Variants in HVCN1 observed in about 807,000 individuals in gnomAD.
HVCN1 encodes hydrogen voltage gated channel 1, also known as voltage-gated hydrogen channel 1.
HVCN1 carries 14 observed loss-of-function variants against 29.2 expected under a neutral mutation model. The observed-to-expected ratio is 0.48, with a 90% CI of 0.32 to 0.75. The LOEUF is 0.75. Among genes scored for constraint, HVCN1 ranks in the 30% least tolerant of loss-of-function variants. The pLI, the probability that HVCN1 is intolerant of heterozygous loss-of-function variation, is 0.04. For missense variants in HVCN1, 263 were observed against 341.8 expected, an observed-to-expected ratio of 0.77 and a Z score of 1.82; for synonymous variants, 131 against 133.2, an observed-to-expected ratio of 0.98 and a Z score of 0.11.
At chr12:110,687,105 C>G (rs1017693260) in intron 2 of HVCN1, among the ~76,000 whole-genome samples, 1 of 152,156 alleles carries the variant, frequency 6.6e-6, no homozygotes, top group African/African-American at 2.4e-5. Context: ...CTGTACAAAA[C>G]TATCTGAGCC....
rs1032598987 is a variant in HVCN1 at position 110,699,729 on chromosome 12, G to A, written c.-104+2580C>T. Reference sequence around the variant, plus strand: ...CTCCTGGCCGTGTGCCAGGCGCTGCGCCGGGCACATGATACACATCTCTTC... The same window carrying A: ...CTCCTGGCCGTGTGCCAGGCGCTGCACCGGGCACATGATACACATCTCTTC... On this transcript the variant is annotated intron_variant, in intron 2 of 4. Transcript: ENST00000546713. 3.3e-5 allele frequency among the ~76,000 whole-genome samples: 5 copies of A among 152,204 alleles called. No homozygotes were observed. In the East Asian group the frequency reaches 5.8e-4, roughly 18 times the overall value.
At chr12:110,682,995 A>T (rs2069038262) in intron 3 of HVCN1, 1 of 508,920 alleles carries the variant, frequency 2.0e-6, no homozygotes, top group East Asian at 3.7e-5. Flanking sequence ...AACCGCACAT[A>T]GTTATTAACA....
chr12:110,664,630 A>G (rs1358050691), intron 3 of HVCN1, among the ~76,000 whole-genome samples: 1 of 152,174 alleles, frequency 6.6e-6, no homozygotes, highest in East Asian at 1.9e-4. Flanking sequence ...CAAACCCTAC[A>G]ATCACCCTGG....
At chr12:110,662,265 C>G (rs1219275093) in intron 3 of HVCN1, among the ~76,000 whole-genome samples, 1 of 152,090 alleles carries the variant, frequency 6.6e-6, no homozygotes, top group Non-Finnish European at 1.5e-5. Context: ...ACCTTGCCCC[C>G]CACACAGAAT....
chr12:110,649,808 C>T (rs1309696674), intron 7 of HVCN1, among the ~76,000 whole-genome samples: 1 of 151,910 alleles, frequency 6.6e-6, no homozygotes, highest in Non-Finnish European at 1.5e-5. Flanking sequence ...GAGCAGCGCT[C>T]TGCTGCAGGC....
At chr12:110,652,054 G>A (rs1340568213) in intron 5 of HVCN1, among the ~76,000 whole-genome samples, 1 of 152,222 alleles carries the variant, frequency 6.6e-6, no homozygotes, top group Non-Finnish European at 1.5e-5. Flanking sequence ...GTTCCAATTA[G>A]GAGTGATCAC....
In HVCN1 at chr12:110,651,294, A is replaced by G. The variant is rs375663985; in HGVS notation, c.566T>C (p.Leu189Pro). 5 of 1,614,100 alleles carry G rather than the reference A, an allele frequency of 3.1e-6. No individual in the cohort carries two copies. The highest frequency in any genetic ancestry group is 2.7e-5 in the African/African-American group (2 of 74,944). ...AGCCTCAAACTGGTGCTCCTGGAAC[A>G]GGAGGACAATGTCGAGGATGAATGA... ...VVSFILDIVLLFQEHQFEALG... is the reference protein window; with the variant it reads ...VVSFILDIVLPFQEHQFEALG... Residue 189 changes from leucine to proline, a missense_variant, in exon 6 of 8, where the codon CTG becomes CCG. Physicochemically the swap from Leu to Pro is moderately conservative, Grantham distance 98. This residue lies in a region of HVCN1 where 55 missense variants were observed against 109.4 expected (regional missense o/e 0.50). Transcript: ENST00000242607.
chr12:110,662,636 C>T (rs529403893), intron 3 of HVCN1, among the ~76,000 whole-genome samples: 5 of 152,258 alleles, frequency 3.3e-5, no homozygotes, highest in South Asian at 2.1e-4. Context: ...AGCTGGGAGG[C>T]GTGGGTTGCA....
intron 2 of HVCN1, among the ~76,000 whole-genome samples, chr12:110,685,180 T>A (rs970834825): frequency 1.3e-5 from 2 of 152,160 alleles, no homozygotes; most frequent in Non-Finnish European, 2.9e-5. Flanking sequence ...GGGTCTTTGA[T>A]AAGTGGAGGC....
upstream of HVCN1, among the ~76,000 whole-genome samples, chr12:110,694,066 GTACT>G (rs2069453665): frequency 6.6e-6 from 1 of 152,108 alleles, no homozygotes; most frequent in Non-Finnish European, 1.5e-5. The surrounding 1 kb of genome is among the most constrained non-coding windows in gnomAD (Gnocchi z 4.6). Context: ...CATGGAGCGT[GTACT>G]TACTTATTTA....
chr12:110,671,302 C>G (rs2068566953), intron 3 of HVCN1, among the ~76,000 whole-genome samples: 1 of 152,218 alleles, frequency 6.6e-6, no homozygotes, highest in African/African-American at 2.4e-5. Flanking sequence ...GCCTGGGAGA[C>G]TGAATGAGAC....
At position 110,649,421 on chromosome 12, in the gene HVCN1, C is replaced by T. The variant is rs775765211; in HGVS notation, c.811G>A (p.Glu271Lys). 6 of 1,608,992 alleles carry T rather than the reference C, an allele frequency of 3.7e-6. No individual in the cohort carries two copies. In the South Asian group the frequency reaches 6.7e-5, roughly 18 times the overall value. ...GAGCTGGTCCGGGTCTAGTTCACTT[C>T]ACCAAGAAGTCCATGCTGTCGCAAT... ...KLLRQHGLLGEVN is the reference protein window; with the variant it reads ...KLLRQHGLLGKVN Residue 271 changes from glutamate (E) to lysine (K), a missense_variant, in exon 8 of 8, where the codon GAA becomes AAA. Around this residue, in one of 3 missense-constraint regions of HVCN1, gnomAD observed 51 missense variants for 51.1 expected, o/e 1.00. Transcript: ENST00000242607.
chr12:110,651,657 T>C (rs536583245), intron 5 of HVCN1, among the ~76,000 whole-genome samples: 2 of 152,330 alleles, frequency 1.3e-5, no homozygotes, highest in South Asian at 2.1e-4. Flanking sequence ...AAGCATCCTC[T>C]AGACCCTTTG....
At chr12:110,660,502 C>T (rs1265939098) in intron 4 of HVCN1, among the ~76,000 whole-genome samples, 5 of 152,248 alleles carry the variant, frequency 3.3e-5, no homozygotes, top group Non-Finnish European at 7.3e-5. Context: ...TGAGTGTTCG[C>T]AGAGTGAACA....
intron 1 of HVCN1, among the ~76,000 whole-genome samples, chr12:110,703,910 C>A (rs746364588): frequency 6.6e-6 from 1 of 152,188 alleles, no homozygotes; most frequent in Non-Finnish European, 1.5e-5. Context: ...CTCTCGAACT[C>A]CTAGCCTCAT....
chr12:110,680,031 C>T (rs930121738), intron 3 of HVCN1, among the ~76,000 whole-genome samples: 9 of 152,126 alleles, frequency 5.9e-5, no homozygotes, highest in Non-Finnish European at 8.8e-5. Flanking sequence ...CTCTCAGAAA[C>T]GAGGAGAGCT....
At position 110,661,058 on chromosome 12, in the gene HVCN1, G is replaced by T; in HGVS notation, c.306+106C>A. On this transcript the variant is annotated intron_variant, in intron 4 of 7. Coordinates refer to ENST00000242607, the MANE Select transcript of HVCN1 (RefSeq NM_032369.4). This position sits in a 1 kb window ranked among gnomAD's most constrained non-coding sequence, Gnocchi z 6.2. ...GGTAGGTGCTGGGCAAACACTCGTAGAATGAATGAGGCAGTGGCCAAATGG... is the reference window on the plus strand; with the variant it reads ...GGTAGGTGCTGGGCAAACACTCGTATAATGAATGAGGCAGTGGCCAAATGG... 9.2e-7 allele frequency: 1 copy of T among 1,084,864 alleles called. No homozygotes were observed. Among genetic ancestry groups the T allele is most frequent in the Non-Finnish European group, 1.4e-6 (1 of 738,200 alleles). 67.2% of individuals were successfully genotyped at this position (1,084,864 alleles called of 1,614,324 possible).
intron 2 of HVCN1, among the ~76,000 whole-genome samples, chr12:110,695,184 A>G (rs1212176254): frequency 2.0e-5 from 3 of 152,212 alleles, no homozygotes; most frequent in Non-Finnish European, 4.4e-5. Flanking sequence ...TGAAGCAGGC[A>G]GATCACTTGA....
Position 110,666,610 on chromosome 12 carries a change from C to T in HVCN1, c.22-5162G>A, listed in dbSNP as rs536801797. On this transcript the variant is annotated intron_variant, in intron 3 of 7. Transcript: ENST00000242607. ...GGCCCTCCAGGAACTGGCATCTCTC[C>T]TTCCCCACAGCCTCCTCGCCACACT... is the stretch of plus-strand genomic sequence containing the variant. Among the ~76,000 whole-genome samples, 14 of 152,248 alleles carry T rather than the reference C, an allele frequency of 9.2e-5. 1 individual carries two copies. In the South Asian group the frequency reaches 2.9e-3, roughly 32 times the overall value.
Sources: gnomAD v4.1 joint callset for allele counts (sites outside exome capture counted in the v4.1 genomes callset) on GRCh38, gnomAD v4.1.1 for gene constraint, gnomAD v4.1.1 regional missense constraint, Gnocchi (gnomAD v3.1) non-coding constraint, MANE v1.5 for transcripts, NCBI Gene and HGNC (gene_info 2026-07-23, HGNC 2026-07-21) for gene names.